Variants in FSTL4 observed in about 807,000 individuals in gnomAD.
FSTL4 encodes follistatin like 4.
FSTL4 carries 28 observed loss-of-function variants against 78.2 expected under a neutral mutation model. The observed-to-expected ratio is 0.36, with a 90% CI of 0.27 to 0.49. FSTL4 has a LOEUF of 0.49. Among genes scored for constraint, FSTL4 ranks in the 20% least tolerant of loss-of-function variants. The probability of loss-of-function intolerance (pLI) is 0.98; values close to 1 mark genes in which losing one functional copy is unlikely to be tolerated. For synonymous variants in FSTL4, 422 were observed against 440.5 expected (o/e 0.96, Z 0.53); for missense variants, 922 against 1,084.9 (o/e 0.85, Z 2.11).
At chr5:133,343,970 G>A (rs927304685) in intron 4 of FSTL4, among the ~76,000 whole-genome samples, 4 of 152,026 alleles carry the variant, frequency 2.6e-5, no homozygotes, top group African/African-American at 9.7e-5. Flanking sequence ...ACACATATTG[G>A]CATTTTCATT....
At chr5:133,609,674 TC>T (rs968941585) in intron 1 of FSTL4, among the ~76,000 whole-genome samples, 2 of 152,344 alleles carry the variant, frequency 1.3e-5, no homozygotes. Flanking sequence ...AGTTAATTCT[TC>T]CCCAACACTT....
chr5:133,828,756 A>G, the FSTL4 span, among the ~76,000 whole-genome samples: 1 of 152,250 alleles, frequency 6.6e-6, no homozygotes, highest in East Asian at 1.9e-4. Context: ...AATAGATTTC[A>G]TAAATCACTT....
At chr5:133,299,630 G>C (rs532414578) in intron 6 of FSTL4, among the ~76,000 whole-genome samples, 6 of 152,128 alleles carry the variant, frequency 3.9e-5, no homozygotes, top group African/African-American at 1.2e-4. Context: ...GCATCCAGAG[G>C]GGAAGCCCAC....
At chr5:133,764,258 T>C in the FSTL4 span, among the ~76,000 whole-genome samples, 1 of 152,176 alleles carries the variant, frequency 6.6e-6, no homozygotes, top group Non-Finnish European at 1.5e-5. Flanking sequence ...AGTAGCCTCT[T>C]TCCTTCAGGA....
rs144289149 is a variant in FSTL4, at chr5:133,225,696, T to A, written c.1139A>T (p.Asp380Val). The change falls in exon 9 of 16, where the codon GAT becomes GTT. Residue 380 changes from aspartate to valine, a missense_variant. Physicochemically the swap from Asp to Val is radical, Grantham distance 152. Transcript: ENST00000265342. The surrounding 1 kb of genome is among the most constrained non-coding windows in gnomAD (Gnocchi z 4.6). ...PRITWLKNGV[D>V]VSTQMSKQLS... Reference sequence around the variant, plus strand: ...CTGTTTGGACATCTGAGTTGAGACATCCACGCCGTTTTTCAGCCAAGTGAT... The same window carrying A: ...CTGTTTGGACATCTGAGTTGAGACAACCACGCCGTTTTTCAGCCAAGTGAT... 73 of 1,611,184 alleles carry A rather than the reference T, an allele frequency of 4.5e-5. No individual in the cohort carries two copies. Among genetic ancestry groups the A allele is most frequent in the Non-Finnish European group, 6.1e-5 (72 of 1,178,718 alleles).
chr5:133,547,979 C>T (rs942070326), intron 3 of FSTL4, among the ~76,000 whole-genome samples: 5 of 152,104 alleles, frequency 3.3e-5, no homozygotes, highest in African/African-American at 1.2e-4. Flanking sequence ...GCCCTGGACA[C>T]CTAAGCTCAG....
chr5:133,634,108 G>T, the FSTL4 span, among the ~76,000 whole-genome samples: 2 of 152,150 alleles, frequency 1.3e-5, no homozygotes, highest in Non-Finnish European at 2.9e-5. Context: ...GTGGCAAAGA[G>T]AAAGGGTGCC....
intron 3 of FSTL4, among the ~76,000 whole-genome samples, chr5:133,497,249 C>T (rs546569682): frequency 3.0e-4 from 45 of 152,350 alleles, no homozygotes; most frequent in African/African-American, 1.1e-3. Flanking sequence ...TCAGGCACAT[C>T]TGAGTTCCAA....
At chr5:133,422,306 G>A (rs750091320) in intron 3 of FSTL4, among the ~76,000 whole-genome samples, 6 of 152,104 alleles carry the variant, frequency 3.9e-5, no homozygotes, top group African/African-American at 7.2e-5. Flanking sequence ...AATGCATGCT[G>A]GCTGCTGGGT....
At position 133,598,952 on chromosome 5, in the gene FSTL4, T is replaced by A. The variant is rs76050335; in HGVS notation, c.126+4906A>T. Among the ~76,000 whole-genome samples, 407 of 152,198 alleles carry A rather than the reference T, an allele frequency of 2.7e-3. 6 individuals are homozygous for A. Among genetic ancestry groups the A allele is most frequent in the Admixed American group, 0.021 (324 of 15,286 alleles). On this transcript the variant is annotated intron_variant, in intron 2 of 15. Coordinates refer to ENST00000265342, the MANE Select transcript of FSTL4 (RefSeq NM_015082.2). ...ACCGGGAAGAGGGAGTTCCTTTTAT[T>A]TATGCCCACAAACCAGCTGAGGGCC...
In FSTL4 at chr5:133,490,330, G is replaced by A. The variant is rs184725360; in HGVS notation, c.160+76856C>T. Among the ~76,000 whole-genome samples, 912 of 150,388 alleles carry A rather than the reference G, an allele frequency of 6.1e-3. 4 individuals are homozygous for A. The highest frequency in any genetic ancestry group is 0.021 in the Middle Eastern group (6 of 286). On this transcript the variant is annotated intron_variant, in intron 3 of 15. Coordinates refer to ENST00000265342, the MANE Select transcript of FSTL4 (RefSeq NM_015082.2). ...ATAGAACAGTCTCTGGCACATAAGC[G>A]TTTACTGCCAGTCTTGTCAGAGTTT...
At chr5:133,797,958 TA>T in the FSTL4 span, among the ~76,000 whole-genome samples, 9 of 152,018 alleles carry the variant, frequency 5.9e-5, no homozygotes, top group Non-Finnish European at 8.8e-5. Flanking sequence ...CCAGATATGC[TA>T]AACTTCTCCC....
At chr5:133,270,486 G>A (rs950311936) in intron 6 of FSTL4, among the ~76,000 whole-genome samples, 1 of 152,164 alleles carries the variant, frequency 6.6e-6, no homozygotes, top group African/African-American at 2.4e-5. Context: ...TCCTGAAACG[G>A]CGTGGCAGCT....
At chr5:133,381,640 T>C (rs1410829600) in intron 4 of FSTL4, among the ~76,000 whole-genome samples, 1 of 152,214 alleles carries the variant, frequency 6.6e-6, no homozygotes, top group Non-Finnish European at 1.5e-5. Flanking sequence ...GTCTTCACGA[T>C]CATTCTTTCA....
At chr5:133,203,898 G>A (rs967213808) in intron 14 of FSTL4, among the ~76,000 whole-genome samples, 19 of 152,268 alleles carry the variant, frequency 1.2e-4, no homozygotes, top group African/African-American at 3.6e-4. Context: ...TGTCAGCCTC[G>A]TTTCTCTGAG....
chr5:133,684,905 C>T, the FSTL4 span, among the ~76,000 whole-genome samples: 1 of 152,200 alleles, frequency 6.6e-6, no homozygotes, highest in Non-Finnish European at 1.5e-5. Flanking sequence ...CATCCTGCTT[C>T]TTTCCAAAGA....
chr5:133,747,474 T>C, the FSTL4 span, among the ~76,000 whole-genome samples: 3 of 152,074 alleles, frequency 2.0e-5, no homozygotes, highest in African/African-American at 7.2e-5. Context: ...TAGCAACCTC[T>C]CATTGTACAG....
chr5:133,664,291 G>A, the FSTL4 span, among the ~76,000 whole-genome samples: 102,397 of 151,854 alleles, frequency 0.67, 35,882 homozygotes, highest in African/African-American at 0.88. Context: ...GAAACATGGC[G>A]CAGCATAGCC....
At chr5:133,478,353 T>A (rs1386490764) in intron 3 of FSTL4, among the ~76,000 whole-genome samples, 2 of 152,208 alleles carry the variant, frequency 1.3e-5, no homozygotes, top group African/African-American at 4.8e-5. Context: ...ATTCTAACTG[T>A]ATTGGTGAGC....
Sources: gnomAD v4.1 joint callset for allele counts (sites outside exome capture counted in the v4.1 genomes callset) on GRCh38, gnomAD v4.1.1 for gene constraint, Gnocchi (gnomAD v3.1) non-coding constraint, MANE v1.5 for transcripts, NCBI Gene and HGNC (gene_info 2026-07-23, HGNC 2026-07-21) for gene names.